Variants in PTPRM observed in about 807,000 individuals in gnomAD.
PTPRM encodes the protein receptor-type tyrosine-protein phosphatase mu.
PTPRM carries 47 observed loss-of-function variants against 186.7 expected under a neutral mutation model. That is an observed-to-expected ratio of 0.25 (90% CI 0.20 to 0.32). The LOEUF is 0.32. Ranked by LOEUF, PTPRM falls within the 10% of genes least tolerant of loss-of-function variation. The probability of loss-of-function intolerance (pLI) is 1.00; values close to 1 mark genes in which losing one functional copy is unlikely to be tolerated. For missense variants in PTPRM, 1,494 were observed against 1,865.0 expected, an observed-to-expected ratio of 0.80 and a Z score of 3.66; for synonymous variants, 668 against 674.9, an observed-to-expected ratio of 0.99 and a Z score of 0.16.
chr18:7,744,821 T>C (rs896831840), intron 1 of PTPRM, among the ~76,000 whole-genome samples: 34 of 152,270 alleles, frequency 2.2e-4, no homozygotes, highest in African/African-American at 7.5e-4. Flanking sequence ...TTCAAATATA[T>C]TTTCTCATAA....
At chr18:7,589,923 T>A (rs2037079568) in intron 1 of PTPRM, among the ~76,000 whole-genome samples, 1 of 152,198 alleles carries the variant, frequency 6.6e-6, no homozygotes, top group African/African-American at 2.4e-5. Flanking sequence ...GCTGTAGAGA[T>A]GCTTAACACG....
intron 14 of PTPRM, among the ~76,000 whole-genome samples, chr18:8,224,356 C>T (rs2147097866): frequency 6.6e-6 from 1 of 152,310 alleles, no homozygotes; most frequent in Non-Finnish European, 1.5e-5. Context: ...CAGGATGAAA[C>T]ACTCAATTAC....
chr18:7,679,860 G>GA lies in PTPRM; in HGVS notation c.74-94279dup, dbSNP rs201146150. ...TTAACTTTGACAATAGACTTTTTTT[G>GA]AAAAAAAAAATATTTTATTTTTTGC... On this transcript the variant is annotated intron_variant, in intron 1 of 32. Transcript: ENST00000580170. 9.8e-3 allele frequency among the ~76,000 whole-genome samples: 1,457 copies of GA among 148,604 alleles called. 17 individuals carry two copies. The highest frequency in any genetic ancestry group is 0.029 in the African/African-American group (1,186 of 40,570).
chr18:7,899,586 C>T (rs149969330), intron 3 of PTPRM, among the ~76,000 whole-genome samples: 150 of 152,136 alleles, frequency 9.9e-4, no homozygotes, highest in African/African-American at 3.4e-3. Flanking sequence ...GGCTAAAGGG[C>T]AAAAACATTT....
At chr18:7,617,207 T>A (rs960837512) in intron 1 of PTPRM, among the ~76,000 whole-genome samples, 2 of 152,180 alleles carry the variant, frequency 1.3e-5, no homozygotes, top group African/African-American at 4.8e-5. Context: ...GAGCACAGGA[T>A]CTTTTTCTAA....
chr18:7,926,641 T>C lies in PTPRM; in HGVS notation c.621T>C (p.Ser207=). ...GCCAGTTTGCTACCTTCCAGTGCAGTGCCATCGGCAGGACCGTGGCAGGAG... is the reference window on the plus strand; with the variant it reads ...GCCAGTTTGCTACCTTCCAGTGCAGCGCCATCGGCAGGACCGTGGCAGGAG... The part of the protein sequence containing the change: ...NAGQFATFQC[S]AIGRTVAGDR... Residue 207 remains serine, a synonymous_variant, in exon 5 of 33, where the codon AGT becomes AGC. Coordinates refer to ENST00000580170, the MANE Select transcript of PTPRM (RefSeq NM_001105244.2). The C allele has an allele frequency of 1.2e-6, 2 of 1,613,754 alleles. No individual in the cohort carries two copies. The highest frequency in any genetic ancestry group is 1.7e-6 in the Non-Finnish European group (2 of 1,179,958).
intron 11 of PTPRM, among the ~76,000 whole-genome samples, chr18:8,111,426 G>A (rs530250937): frequency 5.4e-4 from 82 of 152,174 alleles, no homozygotes; most frequent in Admixed American, 1.6e-3. Context: ...TGGCTAACAC[G>A]GTGAAACCCC....
intron 1 of PTPRM, among the ~76,000 whole-genome samples, chr18:7,723,985 C>G (rs2040499098): frequency 6.6e-6 from 1 of 152,094 alleles, no homozygotes; most frequent in Admixed American, 6.6e-5. Flanking sequence ...CTCCCAACAC[C>G]CTCTAAAAGT....
chr18:7,842,358 G>A (rs565533809), intron 2 of PTPRM, among the ~76,000 whole-genome samples: 53 of 152,204 alleles, frequency 3.5e-4, no homozygotes, highest in East Asian at 3.3e-3. Context: ...ATCTATGGGC[G>A]TTAACTCAAG....
chr18:8,211,058 A>G (rs72897918), intron 14 of PTPRM, among the ~76,000 whole-genome samples: 1 of 152,212 alleles, frequency 6.6e-6, no homozygotes, highest in African/African-American at 2.4e-5. Context: ...ATCGATTCAG[A>G]TAGGATCAAA....
At position 7,809,611 on chromosome 18, in the gene PTPRM, C is replaced by T. The variant is rs184629776; in HGVS notation, c.196+35340C>T. Among the ~76,000 whole-genome samples the T allele has an allele frequency of 2.7e-3, 406 of 152,268 alleles. 2 individuals carry two copies. The highest frequency in any genetic ancestry group is 0.021 in the Admixed American group (328 of 15,288). On this transcript the variant is annotated intron_variant, in intron 2 of 32. Transcript: ENST00000580170. ...CCCCTCCTGTGTTACCATGACCTCT[C>T]CTCCTGGCCTCAGCTCCTGGCCTGA...
At chr18:7,809,855 A>G (rs1486405729) in intron 2 of PTPRM, among the ~76,000 whole-genome samples, 1 of 152,206 alleles carries the variant, frequency 6.6e-6, no homozygotes. Flanking sequence ...AGAGGATTAA[A>G]AAGGGTTGGG....
intron 14 of PTPRM, among the ~76,000 whole-genome samples, chr18:8,237,689 G>A (rs2094362756): frequency 6.6e-6 from 1 of 151,898 alleles, no homozygotes; most frequent in Non-Finnish European, 1.5e-5. Context: ...CAAGCTATCT[G>A]CCCACCTCGG....
chr18:7,781,685 G>A (rs1047009110), intron 2 of PTPRM, among the ~76,000 whole-genome samples: 1 of 152,046 alleles, frequency 6.6e-6, no homozygotes, highest in African/African-American at 2.4e-5. Flanking sequence ...TTATCTGGAT[G>A]GTAGGATTTG....
intron 24 of PTPRM, 47 bp downstream of exon 24, chr18:8,371,053 T>G: frequency 1.7e-6 from 2 of 1,170,336 alleles, no homozygotes. Context: ...ACACTAGTGG[T>G]ACCATACTAG....
At chr18:8,189,970 A>G (rs536054394) in intron 14 of PTPRM, among the ~76,000 whole-genome samples, 80 of 152,332 alleles carry the variant, frequency 5.3e-4, no homozygotes, top group African/African-American at 1.8e-3. Flanking sequence ...CCAACTCTCT[A>G]AGACCGAGTT....
intron 7 of PTPRM, among the ~76,000 whole-genome samples, chr18:8,013,453 A>G (rs1333547144): frequency 1.3e-5 from 2 of 152,190 alleles, no homozygotes; most frequent in Non-Finnish European, 1.5e-5. Context: ...GCTAGAGAAG[A>G]TAAAATGTTA....
At position 8,008,444 on chromosome 18, in the gene PTPRM, G is replaced by A. The variant is rs545690278; in HGVS notation, c.1132+53030G>A. Among the ~76,000 whole-genome samples the A allele has an allele frequency of 8.5e-5, 13 of 152,192 alleles. 1 individual carries two copies. In the South Asian group the frequency reaches 2.7e-3, roughly 32 times the overall value. ...TTTGTTTTATATTTTAAAATAAAAG[G>A]TCTTTACTTATTGTTTTTATGAATA... On this transcript the variant is annotated intron_variant, in intron 7 of 32. Transcript: ENST00000580170.
chr18:7,947,054 C>T (rs1252196643), intron 5 of PTPRM: 3 of 454,756 alleles, frequency 6.6e-6, no homozygotes, highest in Non-Finnish European at 1.3e-5. Flanking sequence ...GTTAGTGAGT[C>T]TGTTTATTCT....
Sources: gnomAD v4.1 joint callset for allele counts (sites outside exome capture counted in the v4.1 genomes callset) on GRCh38, gnomAD v4.1.1 for gene constraint, MANE v1.5 for transcripts, NCBI Gene and HGNC (gene_info 2026-07-23, HGNC 2026-07-21) for gene names.